Variants in AATK observed in about 807,000 individuals in gnomAD.
The protein encoded by AATK is lemur tail kinase 1, also known as serine/threonine-protein kinase LMTK1.
Under a neutral mutation model 114.3 loss-of-function variants are expected in AATK, and 91 were observed. The ratio of observed to expected loss-of-function variants is 0.80; its 90% CI spans 0.67 to 0.95. The LOEUF (loss-of-function observed/expected upper bound fraction) is 0.95, where lower values mean the gene tolerates loss of function less well. Ranked by LOEUF, AATK falls within the 40% of genes least tolerant of loss-of-function variation. AATK has a pLI of 0.00. For missense variants in AATK, 2,176 were observed against 1,965.2 expected (o/e 1.11, Z -2.03); for synonymous variants, 1,075 against 916.5 (o/e 1.17, Z -3.12).
intron 7 of AATK, 31 bp from the exon 8 acceptor site, chr17:81,125,045 TGAGCAGG>T: frequency 1.8e-5 from 1 of 55,424 alleles, no homozygotes; most frequent in South Asian, 6.4e-4. Context: ...AGGGGCAGGG[TGAGCAGG>T]GTGAGCAGGG....
chr17:81,124,224 C>T (rs986869971), intron 9 of AATK, among the ~76,000 whole-genome samples: 5 of 152,088 alleles, frequency 3.3e-5, no homozygotes, highest in African/African-American at 4.8e-5. Context: ...CACCCCGGGG[C>T]GGACCACTCC....
At chr17:81,152,955 G>A (rs958257614) in intron 1 of AATK, among the ~76,000 whole-genome samples, 3 of 151,288 alleles carry the variant, frequency 2.0e-5, no homozygotes, top group South Asian at 4.2e-4. Context: ...TGATTCTCTC[G>A]CCTCAGTCTC....
At chr17:81,144,198 C>G (rs2061182723) in intron 1 of AATK, among the ~76,000 whole-genome samples, 1 of 152,248 alleles carries the variant, frequency 6.6e-6, no homozygotes, top group Non-Finnish European at 1.5e-5. Context: ...GCCAGCGTCT[C>G]TTGCACAGAC....
At chr17:81,144,688 CAG>C (rs1167875336) in intron 1 of AATK, among the ~76,000 whole-genome samples, 3 of 152,268 alleles carry the variant, frequency 2.0e-5, no homozygotes, top group Non-Finnish European at 4.4e-5. Context: ...GAGAGTGTGG[CAG>C]AGTCTGAGAG....
At chr17:81,118,580 G>C in intron 13 of AATK, 138 bp from the exon 14 acceptor site, 2 of 852,270 alleles carry the variant, frequency 2.3e-6, no homozygotes. Flanking sequence ...CTGTGTCTAG[G>C]TGAGAGATGG....
rs923194071 is a variant in AATK, at chr17:81,126,112, A to C, written c.755+315T>G. On this transcript the variant is annotated intron_variant, in intron 7 of 13. Transcript: ENST00000326724. This position sits in a 1 kb window ranked among gnomAD's most constrained non-coding sequence, Gnocchi z 5.1. ...CAGGGTCTGTCTCCCTCAAGCCCCA[A>C]AGCGAGGGCTTAGCAGAGTGTGGGG... 2.6e-5 allele frequency among the ~76,000 whole-genome samples: 4 copies of C among 152,130 alleles called. No homozygotes were observed. The highest frequency in any genetic ancestry group is 5.9e-5 in the Non-Finnish European group (4 of 68,002).
chr17:81,151,317 C>T (rs2061294027), intron 1 of AATK, among the ~76,000 whole-genome samples: 1 of 150,036 alleles, frequency 6.7e-6, no homozygotes, highest in South Asian at 2.1e-4. Context: ...TGTCTCCCCC[C>T]TCACCCCTCC....
At chr17:81,119,344 G>A (rs772802254) in intron 13 of AATK, 36 bp downstream of exon 13, 5 of 1,532,746 alleles carry the variant, frequency 3.3e-6, no homozygotes, top group Non-Finnish European at 4.4e-6. Context: ...CCTGCCTCCC[G>A]CGTGCCCTTC....
At chr17:81,160,200 A>T (rs1300436234) in intron 1 of AATK, 3 of 948,980 alleles carry the variant, frequency 3.2e-6, no homozygotes, top group Non-Finnish European at 3.8e-6. Context: ...TGGCAGTGGG[A>T]GCACAGCCCG....
intron 3 of AATK, 124 bp downstream of exon 3, chr17:81,130,937 G>T: frequency 8.1e-7 from 1 of 1,236,010 alleles, no homozygotes; most frequent in Non-Finnish European, 1.1e-6. Flanking sequence ...TACCCCACAG[G>T]CCACTCCCAG....
In AATK at chr17:81,126,819, T is replaced by A; in HGVS notation, c.622-259A>T. The A allele has an allele frequency of 7.6e-7, 1 of 1,317,972 alleles. No homozygotes were observed. Among genetic ancestry groups the A allele is most frequent in the Non-Finnish European group, 9.7e-7 (1 of 1,032,424 alleles). 81.6% of individuals were successfully genotyped at this position (1,317,972 alleles called of 1,614,324 possible). On this transcript the variant is annotated intron_variant, in intron 6 of 13. Transcript: ENST00000326724. This position sits in a 1 kb window ranked among gnomAD's most constrained non-coding sequence, Gnocchi z 5.1. ...CCCGGGCAGCAGGAGTCCCTTGGCC[T>A]GTGGTAGAGAGAGAAACACAGGGCC...
At position 81,118,490 on chromosome 17, in the gene AATK, G is replaced by A. The variant is rs551926730; in HGVS notation, c.4085-48C>T. The A allele has an allele frequency of 7.6e-6, 12 of 1,586,006 alleles. No individual in the cohort carries two copies. In the South Asian group the frequency reaches 8.0e-5, roughly 11 times the overall value. On this transcript the variant is annotated intron_variant, in intron 13 of 13. Coordinates refer to ENST00000326724, the MANE Select transcript of AATK (RefSeq NM_001080395.3). ...GAACACAGGGTTCTGAGACACCAGGGCTGCCTCCCCCGCAACTCCCACCTG... is the reference window on the plus strand; with the variant it reads ...GAACACAGGGTTCTGAGACACCAGGACTGCCTCCCCCGCAACTCCCACCTG...
At chr17:81,153,511 A>G (rs2061323439) in intron 1 of AATK, among the ~76,000 whole-genome samples, 1 of 152,176 alleles carries the variant, frequency 6.6e-6, no homozygotes, top group Admixed American at 6.5e-5. Flanking sequence ...GACACCCCGG[A>G]GCGTTCAGGG....
chr17:81,125,254 G>T (rs760160077), intron 7 of AATK: 2 of 732,470 alleles, frequency 2.7e-6, no homozygotes, highest in Non-Finnish European at 5.1e-6. Flanking sequence ...GACTGTGTGC[G>T]TGGGCCTCAA....
chr17:81,155,379 CTATTAT>C (rs1298614317), intron 1 of AATK, among the ~76,000 whole-genome samples: 1 of 118,154 alleles, frequency 8.5e-6, no homozygotes, highest in African/African-American at 3.7e-5. Flanking sequence ...TACATTTTAC[CTATTAT>C]TATTATTATT....
At position 81,121,719 on chromosome 17, in the gene AATK, T is replaced by G; in HGVS notation, c.2217A>C (p.Pro739=). 3 of 1,494,828 alleles carry G rather than the reference T, an allele frequency of 2.0e-6. No homozygotes were observed. The allele number at this position is 1,494,828 out of a possible 1,614,324, so 92.6% of individuals were successfully genotyped here. ...GATGAGGGAGGCCGGGGCAGCAGCC[T>G]GGCTCCTGGGCAGAGGCTGCCTGGA... ...LGLQAASAQE[P]GCCPGLPHLC... Residue 739 remains proline, a synonymous_variant, in exon 11 of 14, where the codon CCA becomes CCC. Coordinates refer to ENST00000326724, the MANE Select transcript of AATK (RefSeq NM_001080395.3).
chr17:81,121,924 C>G lies in AATK; in HGVS notation c.2012G>C (p.Arg671Thr). 1 of 1,600,530 alleles carries G rather than the reference C, an allele frequency of 6.2e-7. No individual in the cohort carries two copies. Among genetic ancestry groups the G allele is most frequent in the Non-Finnish European group, 8.5e-7 (1 of 1,178,412 alleles). Residue 671 changes from arginine to threonine, a missense_variant, in exon 11 of 14, where the codon AGG becomes ACG. Coordinates refer to ENST00000326724, the MANE Select transcript of AATK (RefSeq NM_001080395.3). ...EDELEEVGAR[R>T]AAQRGHWRSN... is the part of the protein sequence containing the mutation. ...GCGCCAGTGCCCGCGCTGGGCGGCC[C>G]TCCGCGCTCCCACCTCCTCTAGCTC...
chr17:81,118,589 G>C (rs531839704), intron 13 of AATK, 147 bp from the exon 14 acceptor site: 1 of 795,732 alleles, frequency 1.3e-6, no homozygotes, highest in South Asian at 1.7e-5. Context: ...GGTGAGAGAT[G>C]GACCCATTTC....
In AATK at chr17:81,123,174, C is replaced by T. The variant is rs753766745; in HGVS notation, c.1112+20G>A. The T allele has an allele frequency of 1.8e-5, 26 of 1,420,046 alleles. No individual in the cohort carries two copies. The highest frequency in any genetic ancestry group is 6.8e-5 in the Admixed American group (2 of 29,218). 88.0% of individuals were successfully genotyped at this position (1,420,046 alleles called of 1,614,324 possible). A position where few individuals can be genotyped will look rare whatever the true frequency, so the allele number is the denominator to read the frequency against. On this transcript the variant is annotated intron_variant, in intron 10 of 13. Coordinates refer to ENST00000326724, the MANE Select transcript of AATK (RefSeq NM_001080395.3). Reference sequence around the variant, plus strand: ...CCCATCTCGGCCTGGCTGTCCGGGACAGGGCAGTGGGGCCCTCACCAGCGG... The same window carrying T: ...CCCATCTCGGCCTGGCTGTCCGGGATAGGGCAGTGGGGCCCTCACCAGCGG...
Sources: gnomAD v4.1 joint callset for allele counts (sites outside exome capture counted in the v4.1 genomes callset) on GRCh38, gnomAD v4.1.1 for gene constraint, Gnocchi (gnomAD v3.1) non-coding constraint, MANE v1.5 for transcripts, NCBI Gene and HGNC (gene_info 2026-07-23, HGNC 2026-07-21) for gene names.